Variants in DIAPH3 observed in about 807,000 individuals in gnomAD.
The protein encoded by DIAPH3 is protein diaphanous homolog 3.
Under a neutral mutation model 144.3 loss-of-function variants are expected in DIAPH3, and 117 were observed. The ratio of observed to expected loss-of-function variants is 0.81; its 90% CI spans 0.70 to 0.95. DIAPH3 has a LOEUF of 0.95. DIAPH3 is among the 40% of genes least tolerant of loss of function. The pLI is 0.00. For synonymous variants in DIAPH3, 519 were observed against 488.9 expected, an observed-to-expected ratio of 1.06 and a Z score of -0.81; for missense variants, 1,421 against 1,412.7, an observed-to-expected ratio of 1.01 and a Z score of -0.09.
At chr13:59,811,512 G>A (rs1207277111) in intron 24 of DIAPH3, among the ~76,000 whole-genome samples, 1 of 152,104 alleles carries the variant, frequency 6.6e-6, no homozygotes, top group Non-Finnish European at 1.5e-5. Flanking sequence ...GCCGAGGTGG[G>A]CGGATCATAA....
chr13:59,931,620 G>A (rs1356565121), intron 17 of DIAPH3, among the ~76,000 whole-genome samples: 1 of 152,180 alleles, frequency 6.6e-6, no homozygotes, highest in Non-Finnish European at 1.5e-5. Context: ...CACATCAGGT[G>A]CTCAACAAAT....
At chr13:60,055,557 T>C (rs931518326) in intron 4 of DIAPH3, among the ~76,000 whole-genome samples, 6 of 151,810 alleles carry the variant, frequency 4.0e-5, no homozygotes, top group Non-Finnish European at 7.4e-5. Context: ...GTTTCTCCCA[T>C]AGCCAGAGAA....
chr13:59,931,687 G>C (rs1335036243), intron 17 of DIAPH3, among the ~76,000 whole-genome samples: 2 of 152,176 alleles, frequency 1.3e-5, no homozygotes, highest in Non-Finnish European at 2.9e-5. Context: ...TGAATTGGCA[G>C]AGTAAAAGAG....
chr13:60,128,400 T>G (rs1490740215), intron 2 of DIAPH3, among the ~76,000 whole-genome samples: 4 of 152,110 alleles, frequency 2.6e-5, no homozygotes, highest in African/African-American at 9.7e-5. Context: ...TGGTAGAAAA[T>G]TTTATATTCC....
At chr13:59,962,993 G>A (rs1430273290) in intron 17 of DIAPH3, among the ~76,000 whole-genome samples, 1 of 152,150 alleles carries the variant, frequency 6.6e-6, no homozygotes, top group Admixed American at 6.6e-5. Flanking sequence ...ATTTCAATTA[G>A]AGGTTAAAGT....
intron 27 of DIAPH3, among the ~76,000 whole-genome samples, chr13:59,766,822 G>A (rs570402636): frequency 6.6e-6 from 1 of 151,052 alleles, no homozygotes; most frequent in East Asian, 1.9e-4. Context: ...AAGAAAAAAA[G>A]CTCCACTCCT....
At chr13:59,904,375 A>G (rs968963404) in intron 20 of DIAPH3, among the ~76,000 whole-genome samples, 1 of 152,218 alleles carries the variant, frequency 6.6e-6, no homozygotes, top group Non-Finnish European at 1.5e-5. Flanking sequence ...AAATTAATCA[A>G]CTGCTGTACT....
chr13:59,672,194 G>T (rs868092732), intron 27 of DIAPH3, among the ~76,000 whole-genome samples: 5 of 152,200 alleles, frequency 3.3e-5, no homozygotes, highest in African/African-American at 1.2e-4. Flanking sequence ...CTTCTCTGCT[G>T]CAGGAAGTAT....
At chr13:59,670,950 C>T (rs983448863) in intron 27 of DIAPH3, among the ~76,000 whole-genome samples, 8 of 152,162 alleles carry the variant, frequency 5.3e-5, no homozygotes, top group Admixed American at 1.3e-4. Flanking sequence ...CCCGCCTCAG[C>T]GTCACAAAGT....
At chr13:60,044,542 T>C (rs1160340725) in intron 4 of DIAPH3, among the ~76,000 whole-genome samples, 2 of 152,206 alleles carry the variant, frequency 1.3e-5, no homozygotes, top group Non-Finnish European at 2.9e-5. Context: ...AGAGCACTTA[T>C]TGATGTCTCT....
At chr13:59,787,754 C>T (rs1369296225) in intron 25 of DIAPH3, among the ~76,000 whole-genome samples, 1 of 151,934 alleles carries the variant, frequency 6.6e-6, no homozygotes, top group African/African-American at 2.4e-5. Flanking sequence ...TCTTTGTGTT[C>T]CCCCCCAACC....
intron 12 of DIAPH3, among the ~76,000 whole-genome samples, chr13:59,986,613 CA>C (rs2051400005): frequency 1.1e-5 from 1 of 93,430 alleles, no homozygotes; most frequent in Non-Finnish European, 2.3e-5. Context: ...ACAATGAACT[CA>C]AACAAATTTA....
intron 14 of DIAPH3, 69 bp downstream of exon 14, chr13:59,980,726 T>G: frequency 7.2e-7 from 1 of 1,380,002 alleles, no homozygotes; most frequent in Non-Finnish European, 1.0e-6. Flanking sequence ...ACAAGCAAAT[T>G]CCCTGAGGCA....
intron 3 of DIAPH3, among the ~76,000 whole-genome samples, chr13:60,107,472 G>A (rs1260196030): frequency 1.3e-5 from 2 of 152,010 alleles, no homozygotes; most frequent in Non-Finnish European, 2.9e-5. Context: ...AAACACTGCA[G>A]GACAAAATTA....
intron 25 of DIAPH3, among the ~76,000 whole-genome samples, chr13:59,797,564 A>C (rs1293581869): frequency 6.6e-6 from 1 of 152,206 alleles, no homozygotes; most frequent in African/African-American, 2.4e-5. Flanking sequence ...CTAATGAAAA[A>C]ACAATAACCA....
Position 59,861,542 on chromosome 13 carries a change from T to C in DIAPH3, c.2608-6A>G, listed in dbSNP as rs1041831821. The C allele has an allele frequency of 2.5e-6, 4 of 1,613,452 alleles. No homozygotes were observed. Among genetic ancestry groups the C allele is most frequent in the Admixed American group, 1.7e-5 (1 of 60,010 alleles). On this transcript the variant is annotated splice_polypyrimidine_tract_variant and splice_region_variant and intron_variant, in intron 21 of 27. Transcript: ENST00000400324. ...GCTGATTTTGTGTCCTTTAGCTAAA[T>C]AGAACAGGAGGGAGAAAAAACACAG...
At chr13:60,091,463 A>G (rs2057928755) in intron 4 of DIAPH3, among the ~76,000 whole-genome samples, 1 of 152,044 alleles carries the variant, frequency 6.6e-6, no homozygotes, top group Non-Finnish European at 1.5e-5. Flanking sequence ...ACACCCAGCT[A>G]ATTTTTATAT....
At chr13:59,738,503 TTTC>T (rs2036276214) in intron 27 of DIAPH3, among the ~76,000 whole-genome samples, 1 of 152,184 alleles carries the variant, frequency 6.6e-6, no homozygotes, top group South Asian at 2.1e-4. Context: ...CTCCTTTAGC[TTTC>T]TTCTCCCTCC....
In DIAPH3 at chr13:60,102,914, T is replaced by A. The variant is rs371462996; in HGVS notation, c.390+9096A>T. ...ATCCAGAATGAAAGCATACACCTAT[T>A]CTGTAACTTGCACAAGGACACCAAA... On this transcript the variant is annotated intron_variant, in intron 3 of 27. Coordinates refer to ENST00000400324, the MANE Select transcript of DIAPH3 (RefSeq NM_001042517.2). Among the ~76,000 whole-genome samples, 10 of 152,188 alleles carry A rather than the reference T, an allele frequency of 6.6e-5. No individual in the cohort carries two copies. In the East Asian group the frequency reaches 1.7e-3, roughly 27 times the overall value.
Sources: gnomAD v4.1 joint callset for allele counts (sites outside exome capture counted in the v4.1 genomes callset) on GRCh38, gnomAD v4.1.1 for gene constraint, MANE v1.5 for transcripts, NCBI Gene and HGNC (gene_info 2026-07-23, HGNC 2026-07-21) for gene names.